The following NISCH variants were observed in gnomAD, a reference collection of about 807,000 sequenced individuals.
The protein encoded by NISCH is nischarin.
NISCH carries 55 observed loss-of-function variants against 138.4 expected under a neutral mutation model. The ratio of observed to expected loss-of-function variants is 0.40; its 90% CI spans 0.32 to 0.50. The LOEUF (loss-of-function observed/expected upper bound fraction) is 0.50, where lower values mean the gene tolerates loss of function less well. Among genes scored for constraint, NISCH ranks in the 20% least tolerant of loss-of-function variants. The pLI, the probability that NISCH is intolerant of heterozygous loss-of-function variation, is 0.71. For missense variants in NISCH, 1,643 were observed against 2,005.5 expected, an observed-to-expected ratio of 0.82 and a Z score of 3.45; for synonymous variants, 860 against 861.5, an observed-to-expected ratio of 1.00 and a Z score of 0.03.
chr3:52,491,738 G>C, intron 20 of NISCH, 134 bp from the exon 21 acceptor site: 18 of 1,262,050 alleles, frequency 1.4e-5, no homozygotes, highest in East Asian at 2.3e-5. Context: ...CTCCTGGCCT[G>C]TGGGCCCCAC....
chr3:52,459,465 G>A (rs990594544), intron 3 of NISCH, among the ~76,000 whole-genome samples: 4 of 152,206 alleles, frequency 2.6e-5, no homozygotes, highest in African/African-American at 9.6e-5. Flanking sequence ...ACGGAGTCTT[G>A]CTCTGTCACC....
At chr3:52,479,245 A>T (rs1023889699) in intron 11 of NISCH, among the ~76,000 whole-genome samples, 7 of 151,666 alleles carry the variant, frequency 4.6e-5, no homozygotes, top group African/African-American at 1.7e-4. Flanking sequence ...TCCCTCATTC[A>T]ACCACCCTAC....
intron 3 of NISCH, among the ~76,000 whole-genome samples, chr3:52,462,375 A>C (rs547006484): frequency 2.0e-5 from 3 of 152,346 alleles, no homozygotes; most frequent in African/African-American, 7.2e-5. Context: ...TGGCAACTAA[A>C]GATGTCTCCA....
chr3:52,469,110 T>A (rs536806278), intron 3 of NISCH, among the ~76,000 whole-genome samples: 6 of 152,232 alleles, frequency 3.9e-5, no homozygotes, highest in African/African-American at 1.4e-4. Flanking sequence ...GTCTCCTGTG[T>A]CTTTAGAATC....
chr3:52,479,923 TTG>T, intron 12 of NISCH, 61 bp downstream of exon 12: 1 of 1,357,808 alleles, frequency 7.4e-7, no homozygotes, highest in Non-Finnish European at 1.0e-6. Context: ...AGGAGCCAGT[TTG>T]GGGGGCTTGG....
At chr3:52,491,663 G>A (rs1264316377) in intron 20 of NISCH, 150 bp downstream of exon 20, 3 of 1,078,840 alleles carry the variant, frequency 2.8e-6, no homozygotes, top group African/African-American at 3.2e-5. Context: ...CTTTTCGATG[G>A]CAGAGTCTCC....
At position 52,492,398 on chromosome 3, in the gene NISCH, G is replaced by C; in HGVS notation, c.4431G>C (p.Glu1477Asp). The C allele has an allele frequency of 6.2e-7, 1 of 1,613,054 alleles. No homozygotes were observed. Among genetic ancestry groups the C allele is most frequent in the Non-Finnish European group, 8.5e-7 (1 of 1,180,020 alleles). The change falls in exon 21 of 21, where the codon GAG becomes GAC. Residue 1477 changes from glutamate (E) to aspartate (D), a missense_variant. Physicochemically the swap from Glu to Asp is conservative, Grantham distance 45. Transcript: ENST00000345716. ...GGCAGGTGTTTGTCCCCAGTGCTGA[G>C]AGCAGAGAGAAGCTCATCTCGCTGT... ...VQWQVFVPSA[E>D]SREKLISLLA... is the part of the protein sequence containing the mutation.
At chr3:52,473,235 A>G (rs1481360776) in intron 6 of NISCH, among the ~76,000 whole-genome samples, 1 of 152,216 alleles carries the variant, frequency 6.6e-6, no homozygotes, top group Non-Finnish European at 1.5e-5. Context: ...AACCCGACCC[A>G]GCCCTGCCAA....
intron 3 of NISCH, among the ~76,000 whole-genome samples, chr3:52,461,878 A>G (rs1706644347): frequency 6.6e-6 from 1 of 151,910 alleles, no homozygotes; most frequent in Non-Finnish European, 1.5e-5. Flanking sequence ...AAAAAAAAAA[A>G]GAAATATTGT....
chr3:52,470,891 A>G lies in NISCH; in HGVS notation c.393A>G (p.Glu131=), dbSNP rs1365204615. The G allele has an allele frequency of 2.5e-6, 4 of 1,614,168 alleles. No individual in the cohort carries two copies. Among genetic ancestry groups the G allele is most frequent in the Non-Finnish European group, 3.4e-6 (4 of 1,180,028 alleles). ...EINGITAALA[E]ELFEKGEQLL... is the part of the protein sequence containing the mutation. ...ATGGCATCACCGCGGCACTGGCTGAAGAGCTCTTTGAGAAAGGTATGTGGC... is the reference window on the plus strand; with the variant it reads ...ATGGCATCACCGCGGCACTGGCTGAGGAGCTCTTTGAGAAAGGTATGTGGC... Residue 131 remains glutamate (E), a synonymous_variant, in exon 4 of 21, where the codon GAA becomes GAG. Coordinates refer to ENST00000345716, the MANE Select transcript of NISCH (RefSeq NM_007184.4).
Position 52,477,981 on chromosome 3 carries a change from G to A in NISCH, c.988-116G>A, listed in dbSNP as rs974470286. On this transcript the variant is annotated intron_variant, in intron 9 of 20. Coordinates refer to ENST00000345716, the MANE Select transcript of NISCH (RefSeq NM_007184.4). The stretch of plus-strand genomic sequence containing the variant: ...TTCCCTTCCTAAAATAACTGTCAGA[G>A]TGACTTGCAGAACTGGGTAGTTTGG... The A allele has an allele frequency of 3.8e-6, 4 of 1,047,372 alleles. No homozygotes were observed. In the African/African-American group the frequency reaches 6.3e-5, roughly 17 times the overall value. 64.9% of individuals were successfully genotyped at this position (1,047,372 alleles called of 1,614,324 possible).
intron 3 of NISCH, among the ~76,000 whole-genome samples, chr3:52,459,605 T>C (rs1706575129): frequency 6.6e-6 from 1 of 151,920 alleles, no homozygotes; most frequent in South Asian, 2.1e-4. Context: ...AGCTAATTTT[T>C]GTATTTTTAG....
intron 3 of NISCH, among the ~76,000 whole-genome samples, chr3:52,459,980 A>G (rs182870121): frequency 6.7e-6 from 1 of 150,360 alleles, no homozygotes; most frequent in African/African-American, 2.4e-5. Flanking sequence ...CAGGAGTTCA[A>G]GACCATCCTG....
intron 14 of NISCH, among the ~76,000 whole-genome samples, chr3:52,485,116 G>T (rs1194073762): frequency 6.6e-6 from 1 of 152,178 alleles, no homozygotes; most frequent in Non-Finnish European, 1.5e-5. Context: ...CTCCTCTGTG[G>T]TTGTTACTGA....
intron 3 of NISCH, among the ~76,000 whole-genome samples, chr3:52,462,695 G>A (rs1706669267): frequency 6.6e-6 from 1 of 151,896 alleles, no homozygotes; most frequent in South Asian, 2.1e-4. Context: ...GAGTGCAGTG[G>A]TACGATCTCG....
intron 13 of NISCH, among the ~76,000 whole-genome samples, chr3:52,482,778 A>T (rs1707310765): frequency 1.3e-5 from 2 of 152,198 alleles, no homozygotes; most frequent in African/African-American, 4.8e-5. Flanking sequence ...GTAAATAACG[A>T]GAGGCATGCA....
intron 15 of NISCH, 138 bp downstream of exon 15, chr3:52,485,965 A>C (rs1173284114): frequency 1.4e-6 from 1 of 740,012 alleles, no homozygotes; most frequent in Admixed American, 2.4e-5. Context: ...TCTTCCTCTA[A>C]AGAGACACAG....
At chr3:52,483,222 G>A (rs1044467803) in intron 13 of NISCH, among the ~76,000 whole-genome samples, 1 of 152,200 alleles carries the variant, frequency 6.6e-6, no homozygotes, top group South Asian at 2.1e-4. Flanking sequence ...CCACCTGCCT[G>A]CCTCGCTTGT....
intron 4 of NISCH, chr3:52,471,564 T>C: frequency 1.8e-6 from 1 of 570,222 alleles, no homozygotes; most frequent in African/African-American, 1.9e-5. Context: ...TCGGCCTCAC[T>C]CCTCCCTCAG....
Sources: allele counts gnomAD v4.1 joint callset (sites outside exome capture counted in the v4.1 genomes callset), GRCh38; gene constraint gnomAD v4.1.1; transcripts MANE v1.5; gene names NCBI Gene and HGNC (gene_info 2026-07-23, HGNC 2026-07-21).